The following B3GNT5 variants were observed in gnomAD, a reference collection of about 807,000 sequenced individuals.
B3GNT5 encodes the protein lactosylceramide 1,3-N-acetyl-beta-D-glucosaminyltransferase.
A neutral mutation model predicts 25.9 loss-of-function variants in B3GNT5; 11 were observed. The observed-to-expected ratio is 0.42, with a 90% CI of 0.27 to 0.70. The LOEUF (loss-of-function observed/expected upper bound fraction) is 0.70. Ranked by LOEUF, B3GNT5 falls within the 30% of genes least tolerant of loss-of-function variation. The pLI, the probability that B3GNT5 is intolerant of heterozygous loss-of-function variation, is 0.23. For synonymous variants in B3GNT5, 166 were observed against 158.6 expected (o/e 1.05, Z -0.35); for missense variants, 385 against 458.4 (o/e 0.84, Z 1.46).
chr3:183,269,229 G>GTTTTTTTTTTTTTT (rs1305607255), intron 1 of B3GNT5, among the ~76,000 whole-genome samples: 1 of 77,020 alleles, frequency 1.3e-5, no homozygotes, highest in African/African-American at 1.1e-4. Flanking sequence ...CGTTTGGGAA[G>GTTTTTTTTTTTTTT]CTTTTTTTTT....
At chr3:183,265,532 T>C (rs1365106184) in intron 1 of B3GNT5, 2 of 152,260 alleles carry the variant, frequency 1.3e-5, no homozygotes, top group East Asian at 3.8e-4. Flanking sequence ...ATGTGCGTGG[T>C]CTCCATCCGC....
chr3:183,269,273 CTG>C (rs1480032436), intron 1 of B3GNT5, among the ~76,000 whole-genome samples: 4 of 121,840 alleles, frequency 3.3e-5, no homozygotes, highest in Admixed American at 8.8e-5. Context: ...AAAAAGGTCT[CTG>C]TACTCTGAAT....
chr3:183,269,113 T>C (rs780293257), intron 1 of B3GNT5, among the ~76,000 whole-genome samples: 4 of 152,146 alleles, frequency 2.6e-5, no homozygotes, highest in Non-Finnish European at 4.4e-5. Context: ...CATTGAAGAT[T>C]TTGCCTTGAT....
At chr3:183,262,131 T>G (rs895992679) in intron 1 of B3GNT5, among the ~76,000 whole-genome samples, 1 of 126,800 alleles carries the variant, frequency 7.9e-6, no homozygotes, top group African/African-American at 4.3e-5. Flanking sequence ...TATCGTTTTA[T>G]GATACTTTAT....
In B3GNT5 at chr3:183,257,958, C is replaced by CTTTTTTTTTTTTTTT. The variant is rs35323502; in HGVS notation, c.-302+4499_-302+4513dup. ...TATTCCTTGCTCCCTCCACTTCACC[C>CTTTTTTTTTTTTTTT]TTTTTTTTTTTTTTTTTTTTTTTTT... On this transcript the variant is annotated intron_variant, in intron 1 of 1. Transcript: ENST00000326505. 1.5e-4 allele frequency among the ~76,000 whole-genome samples: 10 copies of CTTTTTTTTTTTTTTT among 64,742 alleles called. 1 individual carries two copies. The highest frequency in any genetic ancestry group is 5.6e-4 in the African/African-American group (8 of 14,400). 42.5% of individuals were successfully genotyped at this position (64,742 alleles called of 152,430 possible). A position where few individuals can be genotyped will look rare whatever the true frequency, so the allele number is the denominator to read the frequency against.
At chr3:183,269,091 G>A (rs1726446685) in intron 1 of B3GNT5, among the ~76,000 whole-genome samples, 1 of 151,992 alleles carries the variant, frequency 6.6e-6, no homozygotes, top group South Asian at 2.1e-4. Flanking sequence ...TTACTGCTGT[G>A]AATTTTCTTT....
chr3:183,270,676 T>C lies in B3GNT5; in HGVS notation c.878T>C (p.Ile293Thr), dbSNP rs1381521749. ...TTCATGGGCCTCTGTGCCAATAAAA[T>C]AGGGATAGTACCGCAGGACCATGTG... Reference protein sequence around the residue: ...DVFMGLCANKIGIVPQDHVFF... With the variant: ...DVFMGLCANKTGIVPQDHVFF... Residue 293 changes from isoleucine to threonine, a missense_variant, in exon 2 of 2, where the codon ATA (isoleucine) becomes ACA (threonine). Transcript: ENST00000326505. The surrounding 1 kb of genome is among the most constrained non-coding windows in gnomAD (Gnocchi z 4.5). The C allele has an allele frequency of 1.9e-6, 3 of 1,614,112 alleles. No individual in the cohort carries two copies. Among genetic ancestry groups the C allele is most frequent in the East Asian group, 2.2e-5 (1 of 44,884 alleles).
At position 183,267,638 on chromosome 3, in the gene B3GNT5, C is replaced by A. The variant is rs1030608345; in HGVS notation, c.-301-1860C>A. 6.6e-6 allele frequency among the ~76,000 whole-genome samples: 1 copy of A among 152,232 alleles called. No homozygotes were observed. Among genetic ancestry groups the A allele is most frequent in the Admixed American group, 6.5e-5 (1 of 15,288 alleles). ...CTCTCCCCGTCAGTCCTGTCCAAAG[C>A]CCAGGAAACTAATGTACCACCCCCG... On this transcript the variant is annotated intron_variant, in intron 1 of 1. Coordinates refer to ENST00000326505, the MANE Select transcript of B3GNT5 (RefSeq NM_032047.5). This position sits in a 1 kb window ranked among gnomAD's most constrained non-coding sequence, Gnocchi z 5.5.
chr3:183,269,491 G>A lies in B3GNT5; in HGVS notation c.-301-7G>A, dbSNP rs1198536242. On this transcript the variant is annotated splice_polypyrimidine_tract_variant and splice_region_variant and intron_variant, in intron 1 of 1. Coordinates refer to ENST00000326505, the MANE Select transcript of B3GNT5 (RefSeq NM_032047.5). Reference sequence around the variant, plus strand: ...TTGTGATTCTTTTCTCTTCTTGACTGTGATAGGTGGCATGGAATATTCACA... The same window carrying A: ...TTGTGATTCTTTTCTCTTCTTGACTATGATAGGTGGCATGGAATATTCACA... 2 of 293,530 alleles carry A rather than the reference G, an allele frequency of 6.8e-6. No individual in the cohort carries two copies. The highest frequency in any genetic ancestry group is 7.7e-5 in the East Asian group (1 of 13,012). The allele number at this position is 293,530 out of a possible 1,614,324, so 18.2% of individuals were successfully genotyped here.
chr3:183,260,945 T>C (rs895816423), intron 1 of B3GNT5, among the ~76,000 whole-genome samples: 2 of 152,196 alleles, frequency 1.3e-5, no homozygotes, highest in African/African-American at 2.4e-5. Flanking sequence ...TAAAGTTCCA[T>C]ATAGCTAAAG....
In B3GNT5 at chr3:183,267,522, G is replaced by T. The variant is rs1726271630; in HGVS notation, c.-301-1976G>T. 6.6e-6 allele frequency among the ~76,000 whole-genome samples: 1 copy of T among 152,226 alleles called. No individual in the cohort carries two copies. The highest frequency in any genetic ancestry group is 2.4e-5 in the African/African-American group (1 of 41,470). On this transcript the variant is annotated intron_variant, in intron 1 of 1. Coordinates refer to ENST00000326505, the MANE Select transcript of B3GNT5 (RefSeq NM_032047.5). This position sits in a 1 kb window ranked among gnomAD's most constrained non-coding sequence, Gnocchi z 5.5. ...GTGTACAGTTGGTTTTCTATCAGGGGTCAACCGGCGGGGGGACTTGAGAAC... is the reference window on the plus strand; with the variant it reads ...GTGTACAGTTGGTTTTCTATCAGGGTTCAACCGGCGGGGGGACTTGAGAAC...
At chr3:183,265,022 T>C (rs900140588) in intron 1 of B3GNT5, among the ~76,000 whole-genome samples, 9 of 152,264 alleles carry the variant, frequency 5.9e-5, no homozygotes, top group African/African-American at 2.2e-4. Context: ...GTATCTGAGA[T>C]ATCTGCATAT....
At chr3:183,264,122 A>G (rs1370800424) in intron 1 of B3GNT5, among the ~76,000 whole-genome samples, 1 of 152,112 alleles carries the variant, frequency 6.6e-6, no homozygotes, top group Non-Finnish European at 1.5e-5. Context: ...AATTTCTATG[A>G]CTTCCTGCTG....
Position 183,269,242 on chromosome 3 carries a change from T to TTTTTTTTTTTTTTTTTTTTTTTTG in B3GNT5, c.-301-250_-301-249insTTTTTTTTTTTTTTTTTGTTTTTT, listed in dbSNP as rs1726484259. The stretch of plus-strand genomic sequence containing the variant: ...GCCGTTTGGGAAGCTTTTTTTTTTT[T>TTTTTTTTTTTTTTTTTTTTTTTTG]TTTTTTAAGAGTAGGAGTAGAAAAA... On this transcript the variant is annotated intron_variant, in intron 1 of 1. Transcript: ENST00000326505. 1.3e-5 allele frequency among the ~76,000 whole-genome samples: 2 copies of TTTTTTTTTTTTTTTTTTTTTTTTG among 148,264 alleles called. 1 individual carries two copies. Among genetic ancestry groups the TTTTTTTTTTTTTTTTTTTTTTTTG allele is most frequent in the East Asian group, 4.0e-4 (2 of 4,982 alleles).
intron 1 of B3GNT5, among the ~76,000 whole-genome samples, chr3:183,268,617 G>A (rs1452688636): frequency 6.6e-6 from 1 of 152,182 alleles, no homozygotes; most frequent in Non-Finnish European, 1.5e-5. Flanking sequence ...CAGAATGGGT[G>A]AGAAATGACA....
Position 183,269,374 on chromosome 3 carries a change from C to T in B3GNT5, c.-301-124C>T, listed in dbSNP as rs1179410925. 3 of 160,132 alleles carry T rather than the reference C, an allele frequency of 1.9e-5. No homozygotes were observed. In the Admixed American group the frequency reaches 1.9e-4, roughly 10 times the overall value. The allele number at this position is 160,132 out of a possible 1,614,324, so 9.9% of individuals were successfully genotyped here. On this transcript the variant is annotated intron_variant, in intron 1 of 1. Coordinates refer to ENST00000326505, the MANE Select transcript of B3GNT5 (RefSeq NM_032047.5). ...GTATGCCTCTGCTAAGTACTAACTACCTCATCACCTTTTGTGCAGACAGGG... is the reference window on the plus strand; with the variant it reads ...GTATGCCTCTGCTAAGTACTAACTATCTCATCACCTTTTGTGCAGACAGGG...
At position 183,271,060 on chromosome 3, in the gene B3GNT5, C is replaced by CCT; in HGVS notation, c.*125_*126insCT. 1.2e-6 allele frequency: 1 copy of CCT among 864,982 alleles called. No homozygotes were observed. Among genetic ancestry groups the CCT allele is most frequent in the Non-Finnish European group, 1.7e-6 (1 of 590,090 alleles). 53.6% of individuals were successfully genotyped at this position (864,982 alleles called of 1,614,324 possible). ...AGACAAATATTTTGAAAGCCTAGTC[C>CCT]ATCAGAATGTTTCTTTGATTCTAGA... is the stretch of plus-strand genomic sequence containing the variant. On this transcript the variant is annotated 3_prime_UTR_variant, in exon 2 of 2. Coordinates refer to ENST00000326505, the MANE Select transcript of B3GNT5 (RefSeq NM_032047.5).
chr3:183,267,750 C>T lies in B3GNT5; in HGVS notation c.-301-1748C>T, dbSNP rs552149025. Among the ~76,000 whole-genome samples, 2 of 152,324 alleles carry T rather than the reference C, an allele frequency of 1.3e-5. No homozygotes were observed. The highest frequency in any genetic ancestry group is 3.9e-4 in the East Asian group (2 of 5,180). On this transcript the variant is annotated intron_variant, in intron 1 of 1. Coordinates refer to ENST00000326505, the MANE Select transcript of B3GNT5 (RefSeq NM_032047.5). This position sits in a 1 kb window ranked among gnomAD's most constrained non-coding sequence, Gnocchi z 5.5. ...GAATTCTTGAGGAAGGAGGGTGCTG[C>T]GTCCCAGTGGTGGAGGAAAAGAGAG...
intron 1 of B3GNT5, chr3:183,254,594 G>C (rs1052156441): frequency 8.5e-5 from 13 of 152,152 alleles, no homozygotes; most frequent in African/African-American, 3.1e-4. Flanking sequence ...CCTCGGTGGC[G>C]GGACAGGCCC....
Sources: gnomAD v4.1 joint callset for allele counts (sites outside exome capture counted in the v4.1 genomes callset) on GRCh38, gnomAD v4.1.1 for gene constraint, Gnocchi (gnomAD v3.1) non-coding constraint, MANE v1.5 for transcripts, NCBI Gene and HGNC (gene_info 2026-07-23, HGNC 2026-07-21) for gene names.